SLC36A1: variants seen among roughly 807,000 people sequenced by gnomAD.
SLC36A1 encodes proton-coupled amino acid transporter 1.
SLC36A1 carries 30 observed loss-of-function variants against 47.5 expected under a neutral mutation model. That is an observed-to-expected ratio of 0.63 (90% CI 0.47 to 0.86). The LOEUF is 0.86. Ranked by LOEUF, SLC36A1 falls within the 40% of genes least tolerant of loss-of-function variation. The pLI is 0.00. For missense variants in SLC36A1, 517 were observed against 606.0 expected (o/e 0.85, Z 1.54); for synonymous variants, 255 against 249.7 (o/e 1.02, Z -0.20).
intron 5 of SLC36A1, 40 bp from the exon 6 acceptor site, chr5:151,467,159 A>G (rs376742302): frequency 2.7e-5 from 39 of 1,461,366 alleles, no homozygotes; most frequent in Non-Finnish European, 3.6e-5. Context: ...TTGCATTTGT[A>G]TTGTAACAGT....
rs1413662734 is a variant in SLC36A1 at position 151,479,491 on chromosome 5, T to C, written c.1159+2T>C. 1 of 1,610,306 alleles carries C rather than the reference T, an allele frequency of 6.2e-7. No individual in the cohort carries two copies. The highest frequency in any genetic ancestry group is 1.7e-5 in the Admixed American group (1 of 59,872). On this transcript the variant is annotated splice_donor_variant, in intron 10 of 10. Transcript: ENST00000243389. LOFTEE classifies it high-confidence loss of function. Reference sequence around the variant, plus strand: ...GCACAGTGCTGGTCTGCCTGACATGTGAGTAGAAGATGATAATTGCCTTGC... The same window carrying C: ...GCACAGTGCTGGTCTGCCTGACATGCGAGTAGAAGATGATAATTGCCTTGC...
At chr5:151,382,154 A>G in the SLC36A1 span, 675 of 961,066 alleles carry the variant, frequency 7.0e-4, 3 homozygotes, top group African/African-American at 0.01. Flanking sequence ...CAGACTCTGA[A>G]TTGAAGGCTT....
chr5:151,542,898 G>T, the SLC36A1 span: 2 of 1,614,178 alleles, frequency 1.2e-6, no homozygotes, highest in East Asian at 2.2e-5. Context: ...CTGTGTCTGG[G>T]TCTAGGGAGA....
At chr5:151,461,599 A>G (rs903748240) in intron 2 of SLC36A1, among the ~76,000 whole-genome samples, 1 of 152,202 alleles carries the variant, frequency 6.6e-6, no homozygotes, top group Non-Finnish European at 1.5e-5. Context: ...TCATAATAAT[A>G]CTAAGATGTT....
intron 10 of SLC36A1, among the ~76,000 whole-genome samples, chr5:151,482,288 C>T (rs1293297196): frequency 6.6e-6 from 1 of 151,812 alleles, no homozygotes; most frequent in Non-Finnish European, 1.5e-5. Context: ...ACCCTGCATT[C>T]CCCGCCCAGG....
rs143705180 is a variant in SLC36A1, at chr5:151,487,228, T to C, written c.1160-755T>C. 3.6e-3 allele frequency among the ~76,000 whole-genome samples: 545 copies of C among 152,298 alleles called. 4 individuals carry two copies. Among genetic ancestry groups the C allele is most frequent in the African/African-American group, 0.012 (512 of 41,570 alleles). On this transcript the variant is annotated intron_variant, in intron 10 of 10. Transcript: ENST00000243389. The stretch of plus-strand genomic sequence containing the variant: ...TGGGCACTAGGATGGGTGTATTCGG[T>C]GAAGCCTCCTCCTGCTTACAGCACT...
chr5:151,493,980 T>A (rs1489901710), downstream of SLC36A1, among the ~76,000 whole-genome samples: 1 of 152,206 alleles, frequency 6.6e-6, no homozygotes, highest in Admixed American at 6.5e-5. Flanking sequence ...GATGTCTTGC[T>A]CACTTCCTCT....
At chr5:151,428,503 T>G in the SLC36A1 span, among the ~76,000 whole-genome samples, 2 of 132,610 alleles carry the variant, frequency 1.5e-5, no homozygotes, top group Admixed American at 1.4e-4. Flanking sequence ...CTCAGATGCA[T>G]TGTTCTTCTT....
chr5:151,433,247 T>TAAA (rs1339612996), upstream of SLC36A1, among the ~76,000 whole-genome samples: 1 of 14,434 alleles, frequency 6.9e-5, no homozygotes, highest in East Asian at 2.3e-3. Context: ...TATATATATA[T>TAAA]ATATATATAT....
intron 7 of SLC36A1, among the ~76,000 whole-genome samples, chr5:151,473,291 C>T (rs950121259): frequency 9.2e-5 from 14 of 152,110 alleles, no homozygotes; most frequent in Admixed American, 5.2e-4. Context: ...TTTGGAAGCA[C>T]TTATATTGTT....
At chr5:151,500,003 G>A in the SLC36A1 span, among the ~76,000 whole-genome samples, 144 of 152,162 alleles carry the variant, frequency 9.5e-4, no homozygotes, top group African/African-American at 3.1e-3. Context: ...GTAGGGCTTC[G>A]GGAGAGGCCT....
In SLC36A1 at chr5:151,491,751, A is replaced by G. The variant is rs1463404292; in HGVS notation, c.*3497A>G. The stretch of plus-strand genomic sequence containing the variant: ...TGCACAATGCTGCTTCCTCGAAGAG[A>G]AGACACAGAGTCCAAGTGGCAGGAC... On this transcript the variant is annotated 3_prime_UTR_variant, in exon 11 of 11. Transcript: ENST00000243389. 1 of 152,638 alleles carries G rather than the reference A, an allele frequency of 6.6e-6. No individual in the cohort carries two copies. The highest frequency in any genetic ancestry group is 1.5e-5 in the Non-Finnish European group (1 of 68,048). The allele number at this position is 152,638 out of a possible 1,614,324, so 9.5% of individuals were successfully genotyped here.
rs1561790527 is a variant in SLC36A1 at position 151,488,202 on chromosome 5, TCC to T, written c.1380_1381del (p.Gln461AlafsTer68). The T allele has an allele frequency of 6.2e-7, 1 of 1,614,186 alleles. No homozygotes were observed. Among genetic ancestry groups the T allele is most frequent in the Admixed American group, 1.7e-5 (1 of 60,034 alleles). On this transcript the variant is annotated frameshift_variant, in exon 11 of 11. Transcript: ENST00000243389. LOFTEE classifies it high-confidence loss of function. ...ACCTATGAGGCTCTCTATGAGCTGA[TCC>T]AGCCAAGCAATGCTCCCATCTTCAT...
At chr5:151,483,520 G>GTGGAGCA (rs745868506) in intron 10 of SLC36A1, among the ~76,000 whole-genome samples, 21 of 144,752 alleles carry the variant, frequency 1.5e-4, no homozygotes, top group African/African-American at 5.1e-4. Flanking sequence ...GTGTGTGTGG[G>GTGGAGCA]GGGGGTGATT....
the SLC36A1 span, among the ~76,000 whole-genome samples, chr5:151,551,188 CA>C: frequency 7.9e-5 from 12 of 152,158 alleles, no homozygotes; most frequent in Non-Finnish European, 1.6e-4. Context: ...CCCACTTACC[CA>C]ACCATCATCC....
chr5:151,522,496 G>A, the SLC36A1 span, among the ~76,000 whole-genome samples: 5 of 152,316 alleles, frequency 3.3e-5, no homozygotes, highest in Non-Finnish European at 7.3e-5. Flanking sequence ...CTCAGCCTAC[G>A]AAAATTCCCC....
At position 151,488,387 on chromosome 5, in the gene SLC36A1, C is replaced by T; in HGVS notation, c.*133C>T. On this transcript the variant is annotated 3_prime_UTR_variant, in exon 11 of 11. Transcript: ENST00000243389. ...TGTGTGGGAACCCCTCTGCCTGGCACCTGGATACCCTGGGCCAGGTAACCT... is the reference window on the plus strand; with the variant it reads ...TGTGTGGGAACCCCTCTGCCTGGCATCTGGATACCCTGGGCCAGGTAACCT... 3 of 1,182,974 alleles carry T rather than the reference C, an allele frequency of 2.5e-6. No individual in the cohort carries two copies. Among genetic ancestry groups the T allele is most frequent in the Non-Finnish European group, 3.5e-6 (3 of 856,396 alleles). The allele number at this position is 1,182,974 out of a possible 1,614,324, so 73.3% of individuals were successfully genotyped here.
the SLC36A1 span, among the ~76,000 whole-genome samples, chr5:151,388,119 A>G: frequency 3.3e-5 from 5 of 152,190 alleles, no homozygotes; most frequent in African/African-American, 1.2e-4. Context: ...GAGAGATTCA[A>G]CTAAGTCTGG....
chr5:151,372,672 T>C, the SLC36A1 span, among the ~76,000 whole-genome samples: 1 of 152,128 alleles, frequency 6.6e-6, no homozygotes, highest in African/African-American at 2.4e-5. Context: ...TATCTTGAAC[T>C]TCTGGCCCCA....
Sources: allele counts gnomAD v4.1 joint callset (sites outside exome capture counted in the v4.1 genomes callset), GRCh38; gene constraint gnomAD v4.1.1; transcripts MANE v1.5; gene names NCBI Gene and HGNC (gene_info 2026-07-23, HGNC 2026-07-21).